BCO1: variants seen among roughly 807,000 people sequenced by gnomAD.
The protein encoded by BCO1 is beta,beta-carotene 15,15'-dioxygenase.
In BCO1, 54 loss-of-function variants were observed where a neutral mutation model predicts 56.3. That is an observed-to-expected ratio of 0.96 (90% CI 0.77 to 1.20). The LOEUF is 1.20. Ranked by LOEUF, BCO1 falls within the 50% of genes most tolerant of loss-of-function variation. BCO1 has a pLI of 0.00. For missense variants in BCO1, 801 were observed against 690.9 expected (o/e 1.16, Z -1.79); for synonymous variants, 318 against 266.1 (o/e 1.20, Z -1.90).
At chr16:81,257,613 C>T (rs1054299213) in intron 2 of BCO1, among the ~76,000 whole-genome samples, 3 of 151,442 alleles carry the variant, frequency 2.0e-5, no homozygotes, top group South Asian at 2.1e-4. Context: ...GCTAGGCAAA[C>T]GCCTGTAATC....
intron 4 of BCO1, chr16:81,262,854 A>AT: frequency 6.4e-6 from 1 of 155,426 alleles, no homozygotes; most frequent in East Asian, 1.9e-4. Flanking sequence ...AAAAAAAAAA[A>AT]AACAAGACAA....
At chr16:81,270,771 G>C (rs559110827) in intron 7 of BCO1, among the ~76,000 whole-genome samples, 1 of 145,378 alleles carries the variant, frequency 6.9e-6, no homozygotes, top group South Asian at 2.2e-4. Context: ...TTGAGACGTA[G>C]TCTCGCTCTG....
intron 7 of BCO1, among the ~76,000 whole-genome samples, chr16:81,271,424 C>G (rs1907210537): frequency 6.6e-6 from 1 of 152,110 alleles, no homozygotes; most frequent in Admixed American, 6.5e-5. Flanking sequence ...CTAATTTGCC[C>G]ATTTAAAGTG....
At chr16:81,289,502 G>A (rs746131825) in intron 10 of BCO1, among the ~76,000 whole-genome samples, 4 of 152,102 alleles carry the variant, frequency 2.6e-5, no homozygotes, top group Admixed American at 1.3e-4. Context: ...TTAGCCAGAC[G>A]TGGTGTCATG....
chr16:81,270,920 A>T (rs1247950672), intron 7 of BCO1, among the ~76,000 whole-genome samples: 1 of 151,470 alleles, frequency 6.6e-6, no homozygotes. Context: ...AATTTTTTGT[A>T]TTTTTAGTAG....
At position 81,248,158 on chromosome 16, in the gene BCO1, T is replaced by G. The variant is rs1485675478; in HGVS notation, c.193+2555T>G. Among the ~76,000 whole-genome samples, 3 of 152,170 alleles carry G rather than the reference T, an allele frequency of 2.0e-5. 1 individual carries two copies. The East Asian group carries it at 5.8e-4, about 29-fold the overall frequency. ...GGCTCACACCTGTATTCCCAGCACT[T>G]TGGGAGGCCGAGGCGGGTGGATCAC... On this transcript the variant is annotated intron_variant, in intron 2 of 10. Coordinates refer to ENST00000258168, the MANE Select transcript of BCO1 (RefSeq NM_017429.3).
At position 81,238,824 on chromosome 16, in the gene BCO1, C is replaced by A. The variant is rs1421970128; in HGVS notation, c.-85C>A. ...AAGGAGCAGGAGAGCAGGAAGGAAA[C>A]GCAGGAGGAGGGAGCAGCATCTCCT... On this transcript the variant is annotated 5_prime_UTR_variant, in exon 1 of 11. Transcript: ENST00000258168. The A allele has an allele frequency of 9.3e-6, 11 of 1,183,548 alleles. No individual in the cohort carries two copies. In the African/African-American group the frequency reaches 1.2e-4, roughly 13 times the overall value. 73.3% of individuals were successfully genotyped at this position (1,183,548 alleles called of 1,614,324 possible). A position where few individuals can be genotyped will look rare whatever the true frequency, so the allele number is the denominator to read the frequency against.
intron 3 of BCO1, among the ~76,000 whole-genome samples, chr16:81,260,238 T>C (rs2151935903): frequency 6.6e-6 from 1 of 150,588 alleles, no homozygotes; most frequent in East Asian, 2.0e-4. Context: ...GAAAATGCCA[T>C]GTAGAAGTAA....
At chr16:81,265,688 T>G (rs983464111) in intron 5 of BCO1, among the ~76,000 whole-genome samples, 2 of 138,942 alleles carry the variant, frequency 1.4e-5, no homozygotes, top group Admixed American at 1.4e-4. Context: ...CCACCCACCA[T>G]CCATCCACCA....
chr16:81,239,092 C>G, intron 1 of BCO1, 120 bp downstream of exon 1: 1 of 794,730 alleles, frequency 1.3e-6, no homozygotes, highest in Non-Finnish European at 2.0e-6. Context: ...TCTCGGCCCA[C>G]TGCAACCTCT....
chr16:81,241,876 G>A (rs1905138433), intron 1 of BCO1, among the ~76,000 whole-genome samples: 1 of 152,304 alleles, frequency 6.6e-6, no homozygotes. Flanking sequence ...GTAACTGGCT[G>A]TGCCGACACA....
At chr16:81,267,068 T>C (rs1461723450) in intron 5 of BCO1, among the ~76,000 whole-genome samples, 1 of 152,098 alleles carries the variant, frequency 6.6e-6, no homozygotes, top group Non-Finnish European at 1.5e-5. Flanking sequence ...ACTGAACACG[T>C]ATTGAGCACC....
intron 8 of BCO1, among the ~76,000 whole-genome samples, chr16:81,282,639 C>A (rs540340935): frequency 6.6e-6 from 1 of 152,100 alleles, no homozygotes; most frequent in South Asian, 2.1e-4. Context: ...AGGCATCAAC[C>A]CCCAACCCCC....
chr16:81,286,422 T>C (rs1908183269), intron 9 of BCO1, among the ~76,000 whole-genome samples: 1 of 152,114 alleles, frequency 6.6e-6, no homozygotes, highest in Non-Finnish European at 1.5e-5. Context: ...AATAGGCCTA[T>C]TGGGAGATTA....
chr16:81,283,329 C>T (rs776064103), intron 8 of BCO1, among the ~76,000 whole-genome samples: 1 of 151,924 alleles, frequency 6.6e-6, no homozygotes, highest in African/African-American at 2.4e-5. Context: ...ATTACTCATG[C>T]CTGTAATCCC....
intron 8 of BCO1, among the ~76,000 whole-genome samples, chr16:81,283,498 T>C (rs959492299): frequency 2.0e-5 from 3 of 151,596 alleles, no homozygotes; most frequent in Non-Finnish European, 4.4e-5. Flanking sequence ...TTGGGAGGCT[T>C]AGGCAGGAGA....
chr16:81,269,424 T>G (rs565580720), intron 6 of BCO1, among the ~76,000 whole-genome samples: 1 of 151,898 alleles, frequency 6.6e-6, no homozygotes, highest in East Asian at 1.9e-4. Context: ...GCCTCCTGAG[T>G]AGTTGGGATT....
intron 7 of BCO1, among the ~76,000 whole-genome samples, chr16:81,280,453 T>G (rs771649737): frequency 2.6e-5 from 4 of 152,164 alleles, no homozygotes; most frequent in Non-Finnish European, 4.4e-5. Context: ...CTCAGTGTTA[T>G]GTGATAAGCA....
chr16:81,275,413 A>G (rs1217624509), intron 7 of BCO1, among the ~76,000 whole-genome samples: 2 of 152,244 alleles, frequency 1.3e-5, no homozygotes, highest in Non-Finnish European at 2.9e-5. Context: ...CAGCCGTGGC[A>G]GAGAACCTCC....
Sources: allele counts gnomAD v4.1 joint callset (sites outside exome capture counted in the v4.1 genomes callset), GRCh38; gene constraint gnomAD v4.1.1; transcripts MANE v1.5; gene names NCBI Gene and HGNC (gene_info 2026-07-23, HGNC 2026-07-21).